Variants in RERG observed in about 807,000 individuals in gnomAD.
RERG encodes the protein RAS like estrogen regulated growth inhibitor.
In RERG, 25 loss-of-function variants were observed where a neutral mutation model predicts 23.2. The ratio of observed to expected loss-of-function variants is 1.08; its 90% confidence interval spans 0.79 to 1.50. RERG has a LOEUF of 1.50. Ranked by LOEUF, RERG falls within the 40% of genes most tolerant of loss-of-function variation. RERG has a pLI of 0.00. For missense variants in RERG, 253 were observed against 250.1 expected, an observed-to-expected ratio of 1.01 and a Z score of -0.08; for synonymous variants, 81 against 89.1, an observed-to-expected ratio of 0.91 and a Z score of 0.51.
chr12:15,194,748 C>T (rs542599234), intron 2 of RERG, among the ~76,000 whole-genome samples: 1 of 151,928 alleles, frequency 6.6e-6, no homozygotes, highest in South Asian at 2.1e-4. Flanking sequence ...CATTTTTCAC[C>T]CTCTGGTTGC....
intron 2 of RERG, among the ~76,000 whole-genome samples, chr12:15,167,168 C>A (rs1041587348): frequency 7.2e-5 from 11 of 152,130 alleles, no homozygotes; most frequent in African/African-American, 2.7e-4. Context: ...ATTAAGCCTG[C>A]CTGGAGGCCT....
chr12:15,183,820 G>GT (rs1474423813), intron 2 of RERG, among the ~76,000 whole-genome samples: 1 of 152,126 alleles, frequency 6.6e-6, no homozygotes, highest in Non-Finnish European at 1.5e-5. Context: ...AAACTTACTT[G>GT]TTTCAGGGTT....
chr12:15,158,369 C>T (rs1864553850), intron 2 of RERG, among the ~76,000 whole-genome samples: 1 of 152,040 alleles, frequency 6.6e-6, no homozygotes, highest in Admixed American at 6.6e-5. Context: ...GCAGCCTCGA[C>T]CTCCTGGGCT....
intron 2 of RERG, among the ~76,000 whole-genome samples, chr12:15,185,049 C>T (rs1335834462): frequency 6.6e-6 from 1 of 152,166 alleles, no homozygotes; most frequent in East Asian, 1.9e-4. Flanking sequence ...CATTCCTATG[C>T]AGGCAAGATC....
intron 2 of RERG, among the ~76,000 whole-genome samples, chr12:15,206,779 A>G (rs1258968393): frequency 1.3e-5 from 2 of 152,170 alleles, no homozygotes; most frequent in Non-Finnish European, 2.9e-5. Flanking sequence ...GTACAAAAGT[A>G]TTCATTCATA....
intron 2 of RERG, among the ~76,000 whole-genome samples, chr12:15,193,762 C>T (rs1370328919): frequency 6.6e-6 from 1 of 152,114 alleles, no homozygotes; most frequent in African/African-American, 2.4e-5. Flanking sequence ...CACTCTGGGT[C>T]TGGTTTGGAT....
chr12:15,220,915 G>A (rs1314497345), intron 1 of RERG, among the ~76,000 whole-genome samples: 1 of 152,186 alleles, frequency 6.6e-6, no homozygotes, highest in East Asian at 1.9e-4. Context: ...TATCTTGCAA[G>A]AATAAACAAA....
At chr12:15,178,091 G>A (rs115278283) in intron 2 of RERG, among the ~76,000 whole-genome samples, 1,539 of 152,024 alleles carry the variant, frequency 0.01, 27 homozygotes, top group African/African-American at 0.035. Context: ...ATTGCTAAAG[G>A]GGAATAAGAA....
chr12:15,209,413 G>A (rs1360619056), intron 2 of RERG, among the ~76,000 whole-genome samples: 3 of 152,136 alleles, frequency 2.0e-5, no homozygotes, highest in African/African-American at 7.2e-5. Flanking sequence ...AATTGTGTGC[G>A]TCTTCATTAT....
intron 2 of RERG, among the ~76,000 whole-genome samples, chr12:15,177,790 G>A (rs1052897530): frequency 6.9e-6 from 1 of 145,164 alleles, no homozygotes; most frequent in African/African-American, 2.5e-5. Context: ...AAAGAAGCAA[G>A]AGAAAACATG....
intron 2 of RERG, among the ~76,000 whole-genome samples, chr12:15,193,571 T>C (rs1865101659): frequency 6.6e-6 from 1 of 152,176 alleles, no homozygotes; most frequent in African/African-American, 2.4e-5. Context: ...ACTCATCCCA[T>C]GCTGCCCACA....
At chr12:15,174,921 T>G (rs923313529) in intron 2 of RERG, among the ~76,000 whole-genome samples, 3 of 152,172 alleles carry the variant, frequency 2.0e-5, no homozygotes, top group African/African-American at 7.2e-5. Flanking sequence ...TCATAAAAGC[T>G]GATTTAAAAT....
At chr12:15,115,367 T>C (rs1863701208) in intron 3 of RERG, among the ~76,000 whole-genome samples, 1 of 152,078 alleles carries the variant, frequency 6.6e-6, no homozygotes, top group Non-Finnish European at 1.5e-5. Context: ...GAGGCGAGAT[T>C]TGAGTCAGGG....
intron 2 of RERG, among the ~76,000 whole-genome samples, chr12:15,195,009 T>C (rs976451936): frequency 6.6e-6 from 1 of 152,114 alleles, no homozygotes; most frequent in African/African-American, 2.4e-5. Flanking sequence ...TCTATATACA[T>C]TACCTTCCAG....
intron 2 of RERG, among the ~76,000 whole-genome samples, chr12:15,156,849 T>C (rs1864529824): frequency 6.6e-6 from 1 of 152,180 alleles, no homozygotes; most frequent in Non-Finnish European, 1.5e-5. Context: ...TGACAAGTTA[T>C]TTACTTCTCT....
intron 1 of RERG, among the ~76,000 whole-genome samples, chr12:15,219,445 C>G (rs1371802298): frequency 1.3e-5 from 2 of 152,154 alleles, no homozygotes; most frequent in African/African-American, 4.8e-5. Flanking sequence ...TTTACTTCAT[C>G]CTCAATAATG....
At chr12:15,183,173 G>C (rs191678968) in intron 2 of RERG, among the ~76,000 whole-genome samples, 8 of 152,180 alleles carry the variant, frequency 5.3e-5, no homozygotes, top group Admixed American at 2.0e-4. Context: ...GGGGATGTAA[G>C]ATCTAAATTA....
intron 2 of RERG, among the ~76,000 whole-genome samples, chr12:15,136,718 C>CTGT (rs1864149781): frequency 6.6e-6 from 1 of 151,920 alleles, no homozygotes; most frequent in Non-Finnish European, 1.5e-5. Flanking sequence ...AACAATCTTT[C>CTGT]TGTTGTTGAT....
intron 3 of RERG, among the ~76,000 whole-genome samples, chr12:15,113,253 A>C (rs753073354): frequency 2.6e-5 from 4 of 152,156 alleles, no homozygotes; most frequent in Admixed American, 6.5e-5. Flanking sequence ...CAACTCAATA[A>C]ATTAGAAGAG....
Sources: gnomAD v4.1 joint callset for allele counts (sites outside exome capture counted in the v4.1 genomes callset) on GRCh38, gnomAD v4.1.1 for gene constraint, MANE v1.5 for transcripts, NCBI Gene and HGNC (gene_info 2026-07-23, HGNC 2026-07-21) for gene names.